LIN28B: variants seen among roughly 807,000 people sequenced by gnomAD.
LIN28B encodes the protein lin-28 RNA binding posttranscriptional regulator B, also known as protein lin-28 homolog B.
LIN28B carries 5 observed loss-of-function variants against 21.9 expected under a neutral mutation model. That is an observed-to-expected ratio of 0.23 (90% CI 0.12 to 0.48). The LOEUF (loss-of-function observed/expected upper bound fraction) is 0.48, where lower values mean the gene tolerates loss of function less well. Among genes scored for constraint, LIN28B ranks in the 20% least tolerant of loss-of-function variants. LIN28B has a pLI of 0.98. For missense variants in LIN28B, 245 were observed against 310.5 expected (o/e 0.79, Z 1.58); for synonymous variants, 109 against 111.3 (o/e 0.98, Z 0.13).
intron 3 of LIN28B, among the ~76,000 whole-genome samples, chr6:105,040,818 G>C (rs1442613099): frequency 1.3e-5 from 2 of 151,084 alleles, no homozygotes; most frequent in Non-Finnish European, 2.9e-5. Flanking sequence ...ACTTCCATTA[G>C]ATTTTCTAAT....
rs1183129103 is a variant in LIN28B, at chr6:105,078,896, G to GATT, written c.*113_*114insATT. 1.0e-5 allele frequency: 13 copies of GATT among 1,247,752 alleles called. No homozygotes were observed. In the African/African-American group the frequency reaches 2.0e-4, roughly 19 times the overall value. The allele number at this position is 1,247,752 out of a possible 1,614,324, so 77.3% of individuals were successfully genotyped here. A position where few individuals can be genotyped will look rare whatever the true frequency, so the allele number is the denominator to read the frequency against. On this transcript the variant is annotated 3_prime_UTR_variant, in exon 4 of 4. Transcript: ENST00000345080. Reference sequence around the variant, plus strand: ...CTGACCTGGGATTTTAACTACTATTGGGGAACTGTGAATTTTTTAAACAGA... The same window carrying GATT: ...CTGACCTGGGATTTTAACTACTATTGATTGGGAACTGTGAATTTTTTAAACAGA...
chr6:105,016,844 C>T (rs1185806221), intron 2 of LIN28B, among the ~76,000 whole-genome samples: 1 of 151,868 alleles, frequency 6.6e-6, no homozygotes, highest in East Asian at 1.9e-4. Flanking sequence ...ATTGCTTGAG[C>T]TCAGTAGTTC....
At chr6:105,010,802 C>G (rs1329076258) in intron 2 of LIN28B, among the ~76,000 whole-genome samples, 2 of 152,134 alleles carry the variant, frequency 1.3e-5, no homozygotes, top group East Asian at 1.9e-4. Flanking sequence ...TAACTCAAAC[C>G]CATCTCAAGA....
At chr6:104,938,878 T>C (rs1470026613) in intron 2 of LIN28B, among the ~76,000 whole-genome samples, 1 of 152,146 alleles carries the variant, frequency 6.6e-6, no homozygotes, top group East Asian at 1.9e-4. Flanking sequence ...TGATGATAAC[T>C]AGTTTGAAAT....
intron 2 of LIN28B, among the ~76,000 whole-genome samples, chr6:104,984,776 A>C (rs756750432): frequency 3.9e-5 from 6 of 152,344 alleles, no homozygotes; most frequent in Non-Finnish European, 5.9e-5. Flanking sequence ...CAACAAAGAC[A>C]AAGATATAGG....
At chr6:105,047,303 G>A (rs1431288341) in intron 3 of LIN28B, among the ~76,000 whole-genome samples, 1 of 152,070 alleles carries the variant, frequency 6.6e-6, no homozygotes, top group African/African-American at 2.4e-5. Flanking sequence ...GTTTTTGTCA[G>A]GTTTGTCAAA....
intron 2 of LIN28B, among the ~76,000 whole-genome samples, chr6:104,991,930 G>A (rs1003151716): frequency 6.6e-6 from 1 of 152,018 alleles, no homozygotes; most frequent in African/African-American, 2.4e-5. Flanking sequence ...GAATCAGGCA[G>A]GGAGGTTGCA....
intron 2 of LIN28B, among the ~76,000 whole-genome samples, chr6:105,009,542 C>A (rs1037085593): frequency 6.6e-6 from 1 of 152,032 alleles, no homozygotes; most frequent in Non-Finnish European, 1.5e-5. Flanking sequence ...TTGAGAAGTT[C>A]CTAATTTTTC....
At position 104,950,024 on chromosome 6, in the gene LIN28B, A is replaced by C. The variant is rs567903628; in HGVS notation, c.19-437A>C. Among the ~76,000 whole-genome samples the C allele has an allele frequency of 3.9e-5, 6 of 152,280 alleles. No individual in the cohort carries two copies. The East Asian group carries it at 1.2e-3, about 29-fold the overall frequency. ...TTTATAGTACCATCGTTAGATTCTCATGATTTATCTTCTGAAATATATCTG... is the reference window on the plus strand; with the variant it reads ...TTTATAGTACCATCGTTAGATTCTCCTGATTTATCTTCTGAAATATATCTG... On this transcript the variant is annotated intron_variant, in intron 2 of 5. Coordinates refer to the LIN28B transcript ENST00000635857.
At chr6:104,938,539 T>C (rs1170012711) in intron 2 of LIN28B, among the ~76,000 whole-genome samples, 1 of 151,554 alleles carries the variant, frequency 6.6e-6, no homozygotes, top group Non-Finnish European at 1.5e-5. Context: ...CTTAGGAGAC[T>C]GAGGCACGAG....
intron 2 of LIN28B, among the ~76,000 whole-genome samples, chr6:104,944,623 C>T (rs115004185): frequency 0.011 from 1,719 of 152,054 alleles, 30 homozygotes; most frequent in African/African-American, 0.039. Flanking sequence ...AAACAGCAGG[C>T]TTTTACTGCT....
At chr6:105,021,513 C>T (rs1401357231) in intron 2 of LIN28B, among the ~76,000 whole-genome samples, 1 of 152,164 alleles carries the variant, frequency 6.6e-6, no homozygotes, top group Non-Finnish European at 1.5e-5. Context: ...CTTTTTCCCA[C>T]ATCCTTGCTA....
intron 2 of LIN28B, among the ~76,000 whole-genome samples, chr6:104,982,838 G>A (rs1407604461): frequency 2.0e-5 from 3 of 152,132 alleles, no homozygotes; most frequent in African/African-American, 4.8e-5. Context: ...TTGCTCTGCT[G>A]TCCAGGCCAA....
rs187183284 is a variant in LIN28B, at chr6:104,982,697, C to T, written c.198+24411C>T. On this transcript the variant is annotated intron_variant, in intron 2 of 3. Transcript: ENST00000345080. ...CAAGTACTGGGAAATTATTGGCTGACGGTAATCTGTATATTAATCAATATT... is the reference window on the plus strand; with the variant it reads ...CAAGTACTGGGAAATTATTGGCTGATGGTAATCTGTATATTAATCAATATT... Among the ~76,000 whole-genome samples the T allele has an allele frequency of 4.7e-3, 719 of 152,170 alleles. 5 individuals carry two copies. The highest frequency in any genetic ancestry group is 7.5e-3 in the Non-Finnish European group (511 of 68,024).
chr6:105,037,870 A>T (rs1375634746), intron 3 of LIN28B, among the ~76,000 whole-genome samples: 6 of 152,044 alleles, frequency 3.9e-5, no homozygotes, highest in Admixed American at 1.3e-4. Context: ...GAATAATAGG[A>T]TTACCTTATT....
chr6:104,990,389 T>C (rs1309402808), intron 2 of LIN28B, among the ~76,000 whole-genome samples: 1 of 152,008 alleles, frequency 6.6e-6, no homozygotes, highest in African/African-American at 2.4e-5. Context: ...TCTAAGAGAA[T>C]CTGATAATAA....
At chr6:105,073,167 T>C (rs1752605117) in intron 3 of LIN28B, among the ~76,000 whole-genome samples, 1 of 152,158 alleles carries the variant, frequency 6.6e-6, no homozygotes. Context: ...TTCAGTTGAT[T>C]GGCACACAAT....
chr6:105,071,807 G>A (rs1004858934), intron 3 of LIN28B, among the ~76,000 whole-genome samples: 1 of 152,176 alleles, frequency 6.6e-6, no homozygotes. Flanking sequence ...TATTGAGTGA[G>A]TTTGATAGCA....
At chr6:105,008,597 T>C (rs1335281544) in intron 2 of LIN28B, among the ~76,000 whole-genome samples, 3 of 151,606 alleles carry the variant, frequency 2.0e-5, no homozygotes, top group Non-Finnish European at 4.4e-5. Flanking sequence ...TGAGCCGAGA[T>C]TGTGCCACTG....
Sources: gnomAD v4.1 joint callset for allele counts (sites outside exome capture counted in the v4.1 genomes callset) on GRCh38, gnomAD v4.1.1 for gene constraint, MANE v1.5 for transcripts, NCBI Gene and HGNC (gene_info 2026-07-23, HGNC 2026-07-21) for gene names.